The following TOP6BL variants were observed in gnomAD, a reference collection of about 807,000 sequenced individuals.
TOP6BL encodes the protein type 2 DNA topoisomerase 6 subunit B-like.
chr11:66,747,430 A>G, the TOP6BL span, among the ~76,000 whole-genome samples: 4 of 149,458 alleles, frequency 2.7e-5, no homozygotes, highest in South Asian at 4.2e-4. Flanking sequence ...GGGCCTCACT[A>G]TGTTTCCAGG....
chr11:66,819,401 T>C, the TOP6BL span, among the ~76,000 whole-genome samples: 5 of 152,198 alleles, frequency 3.3e-5, no homozygotes, highest in East Asian at 7.7e-4. Context: ...AAAACCAAAC[T>C]ATGGAAAATA....
chr11:66,818,067 TTCTC>T, the TOP6BL span, among the ~76,000 whole-genome samples: 1 of 152,124 alleles, frequency 6.6e-6, no homozygotes, highest in Non-Finnish European at 1.5e-5. Flanking sequence ...CTGTTCTCCT[TTCTC>T]TATGGGCCAA....
the TOP6BL span, among the ~76,000 whole-genome samples, chr11:66,789,279 C>G: frequency 2.0e-5 from 3 of 152,258 alleles, no homozygotes; most frequent in African/African-American, 7.2e-5. Flanking sequence ...TTAGAGATCT[C>G]TTTATCGACT....
the TOP6BL span, among the ~76,000 whole-genome samples, chr11:66,822,180 G>A: frequency 6.6e-6 from 1 of 151,698 alleles, no homozygotes. Context: ...CATCCATCCT[G>A]TGTACTTTTG....
the TOP6BL span, among the ~76,000 whole-genome samples, chr11:66,833,621 T>C: frequency 0.062 from 9,467 of 152,008 alleles, 900 homozygotes; most frequent in African/African-American, 0.2. Context: ...GTACTTTTAC[T>C]TGGGCCTCTG....
the TOP6BL span, among the ~76,000 whole-genome samples, chr11:66,809,619 G>A: frequency 6.6e-6 from 1 of 152,164 alleles, no homozygotes. Flanking sequence ...ATTATTGTAT[G>A]CATACTTATG....
At chr11:66,758,990 A>C in the TOP6BL span, 45 of 1,332,782 alleles carry the variant, frequency 3.4e-5, no homozygotes, top group African/African-American at 5.5e-4. Flanking sequence ...TGATTCTTTC[A>C]ATAGAATGCA....
At chr11:66,767,705 A>C in the TOP6BL span, among the ~76,000 whole-genome samples, 19 of 152,282 alleles carry the variant, frequency 1.2e-4, no homozygotes, top group Non-Finnish European at 2.8e-4. Flanking sequence ...TTTGCTGTTG[A>C]TATATGGTTA....
At chr11:66,823,865 C>T in the TOP6BL span, among the ~76,000 whole-genome samples, 1 of 152,092 alleles carries the variant, frequency 6.6e-6, no homozygotes, top group Admixed American at 6.6e-5. Flanking sequence ...ATCAGTGATT[C>T]CTAATCTAAT....
chr11:66,793,985 A>G, the TOP6BL span, among the ~76,000 whole-genome samples: 1 of 151,916 alleles, frequency 6.6e-6, no homozygotes, highest in African/African-American at 2.4e-5. Context: ...GGTGATACAC[A>G]CTTGTAGTCC....
chr11:66,783,887 G>A, the TOP6BL span, among the ~76,000 whole-genome samples: 9 of 152,100 alleles, frequency 5.9e-5, no homozygotes, highest in African/African-American at 1.9e-4. Flanking sequence ...GTGCAGTGGC[G>A]TGATCATGGT....
the TOP6BL span, among the ~76,000 whole-genome samples, chr11:66,831,024 ACAT>A: frequency 1.3e-5 from 2 of 152,216 alleles, no homozygotes; most frequent in Non-Finnish European, 2.9e-5. Flanking sequence ...AAGATGCCCA[ACAT>A]CATCAGTCAC....
At chr11:66,781,224 A>G in the TOP6BL span, among the ~76,000 whole-genome samples, 2 of 152,044 alleles carry the variant, frequency 1.3e-5, no homozygotes, top group Non-Finnish European at 2.9e-5. Context: ...CAGGTTTCTA[A>G]GACTATTCAT....
At chr11:66,755,491 T>C in the TOP6BL span, among the ~76,000 whole-genome samples, 2 of 152,202 alleles carry the variant, frequency 1.3e-5, no homozygotes, top group African/African-American at 2.4e-5. Context: ...TGTGCCCTTA[T>C]AAATCTCTTT....
At chr11:66,799,257 G>C in the TOP6BL span, among the ~76,000 whole-genome samples, 1 of 146,958 alleles carries the variant, frequency 6.8e-6, no homozygotes, top group Non-Finnish European at 1.5e-5. Context: ...ATGGTGGCGC[G>C]TGCCTGTAGT....
the TOP6BL span, among the ~76,000 whole-genome samples, chr11:66,763,200 A>G: frequency 7.9e-5 from 12 of 152,168 alleles, no homozygotes; most frequent in African/African-American, 2.7e-4. Context: ...GACTGTTTTT[A>G]AAATAAAAAA....
the TOP6BL span, chr11:66,838,543 C>T: frequency 3.6e-6 from 4 of 1,105,032 alleles, no homozygotes; most frequent in Admixed American, 2.3e-5. Flanking sequence ...CCTTCTACTA[C>T]AGCGGCGTCC....
chr11:66,767,764 T>C, the TOP6BL span, among the ~76,000 whole-genome samples: 3 of 152,184 alleles, frequency 2.0e-5, no homozygotes, highest in Non-Finnish European at 4.4e-5. Context: ...TGCTACCCTT[T>C]TGGTGTCAGG....
chr11:66,821,557 C>A, the TOP6BL span: 1 of 1,452,710 alleles, frequency 6.9e-7, no homozygotes, highest in Non-Finnish European at 9.3e-7. Flanking sequence ...TTACAGGCCA[C>A]ATCTGGTAAT....
Sources: gnomAD v4.1 joint callset for allele counts (sites outside exome capture counted in the v4.1 genomes callset) on GRCh38, gnomAD v4.1.1 for gene constraint, MANE v1.5 for transcripts, NCBI Gene and HGNC (gene_info 2026-07-23, HGNC 2026-07-21) for gene names.